TCF20: variants seen among roughly 807,000 people sequenced by gnomAD.
TCF20 encodes SPRE-binding protein.
A neutral mutation model predicts 148.6 loss-of-function variants in TCF20; 3 were observed. The observed-to-expected ratio is 0.02, with a 90% confidence interval of 0.01 to 0.05. The LOEUF (loss-of-function observed/expected upper bound fraction) is 0.05. Ranked by LOEUF, TCF20 falls within the 10% of genes least tolerant of loss-of-function variation. The probability of loss-of-function intolerance (pLI) is 1.00; values close to 1 mark genes in which losing one functional copy is unlikely to be tolerated. For synonymous variants in TCF20, 1,049 were observed against 909.5 expected, an observed-to-expected ratio of 1.15 and a Z score of -2.76; for missense variants, 2,350 against 2,429.3, an observed-to-expected ratio of 0.97 and a Z score of 0.69.
chr22:42,337,059 C>T (rs555552827), intron 1 of TCF20, among the ~76,000 whole-genome samples: 2 of 152,216 alleles, frequency 1.3e-5, no homozygotes, highest in African/African-American at 4.8e-5. Context: ...GCACTCCACA[C>T]ATCTGTTCAC....
At chr22:42,197,008 G>C (rs1215768421) in intron 2 of TCF20, among the ~76,000 whole-genome samples, 2 of 152,206 alleles carry the variant, frequency 1.3e-5, no homozygotes, top group Admixed American at 1.3e-4. Context: ...CAGCTCTTAA[G>C]TGCATACAAC....
intron 1 of TCF20, among the ~76,000 whole-genome samples, chr22:42,300,219 C>T (rs993267728): frequency 1.3e-5 from 2 of 151,974 alleles, no homozygotes; most frequent in South Asian, 2.1e-4. Flanking sequence ...CCAAGGAGAG[C>T]GGCAGGGCTT....
chr22:42,209,744 G>A lies in TCF20; in HGVS notation c.5562C>T (p.Val1854=), dbSNP rs779865778. Residue 1854 remains valine (V), a synonymous_variant, in exon 2 of 6, where the codon GTC becomes GTT. Transcript: ENST00000677622. ...TGGCCCAGAGAATACAACCCTCATGGACCCAAAATTCATTGCTGTCAAGAG... is the reference window on the plus strand; with the variant it reads ...TGGCCCAGAGAATACAACCCTCATGAACCCAAAATTCATTGCTGTCAAGAG... ...ELPLDSNEFW[V]HEGCILWANG... 2 of 1,614,130 alleles carry A rather than the reference G, an allele frequency of 1.2e-6. No individual in the cohort carries two copies. Among genetic ancestry groups the A allele is most frequent in the Non-Finnish European group, 1.7e-6 (2 of 1,180,022 alleles).
chr22:42,217,241 T>TG (rs1449868003), intron 1 of TCF20, among the ~76,000 whole-genome samples: 1 of 152,198 alleles, frequency 6.6e-6, no homozygotes, highest in African/African-American at 2.4e-5. Flanking sequence ...ACAGTTGCCT[T>TG]GTTCCTGGAA....
intron 1 of TCF20, among the ~76,000 whole-genome samples, chr22:42,268,235 T>C (rs1389706579): frequency 2.6e-5 from 4 of 152,214 alleles, no homozygotes; most frequent in Non-Finnish European, 5.9e-5. Flanking sequence ...TATTGTAACA[T>C]ATTGGGCTCA....
chr22:42,191,710 G>A (rs1189011667), intron 2 of TCF20, among the ~76,000 whole-genome samples: 1 of 152,134 alleles, frequency 6.6e-6, no homozygotes, highest in South Asian at 2.1e-4. Flanking sequence ...TTTGTCTAAC[G>A]GAGTTTTTCC....
intron 1 of TCF20, among the ~76,000 whole-genome samples, chr22:42,314,043 A>G (rs1927585606): frequency 6.6e-6 from 1 of 152,218 alleles, no homozygotes. Context: ...TGCTGTGTTC[A>G]GAGCTGTGAC....
upstream of TCF20, among the ~76,000 whole-genome samples, chr22:42,288,213 G>A (rs1048805208): frequency 1.3e-5 from 2 of 152,056 alleles, no homozygotes; most frequent in South Asian, 2.1e-4. Context: ...TGGCCAACAC[G>A]GTAAAACCCC....
intron 1 of TCF20, among the ~76,000 whole-genome samples, chr22:42,241,520 G>C (rs961078480): frequency 1.3e-5 from 2 of 152,228 alleles, no homozygotes; most frequent in South Asian, 2.1e-4. Context: ...TATCCATTGA[G>C]TTATTAAATT....
At chr22:42,334,997 A>T (rs1569212353) in intron 1 of TCF20, among the ~76,000 whole-genome samples, 1 of 152,116 alleles carries the variant, frequency 6.6e-6, no homozygotes, top group Non-Finnish European at 1.5e-5. Context: ...GGCTGCCTAC[A>T]GTATCCAGAG....
intron 5 of TCF20, among the ~76,000 whole-genome samples, chr22:42,163,887 C>G (rs996274568): frequency 2.6e-5 from 4 of 152,200 alleles, no homozygotes; most frequent in African/African-American, 9.6e-5. Flanking sequence ...CTCACTTGTT[C>G]CCTCCCTTCC....
rs1927661062 is a variant in TCF20, at chr22:42,317,858, G to A, written c.-37+25621C>T. ...CAGCTTCAAAGGCACCCATGAGCCA[G>A]TAAGAGCCAGATCCCACTCGAGCCC... On this transcript the variant is annotated intron_variant, in intron 1 of 1. Coordinates refer to the TCF20 transcript ENST00000515426. The surrounding 1 kb of genome is among the most constrained non-coding windows in gnomAD (Gnocchi z 4.2). Among the ~76,000 whole-genome samples, 1 of 152,218 alleles carries A rather than the reference G, an allele frequency of 6.6e-6. No individual in the cohort carries two copies. The highest frequency in any genetic ancestry group is 2.1e-4 in the South Asian group (1 of 4,834).
chr22:42,202,552 C>T (rs765886095), intron 2 of TCF20, among the ~76,000 whole-genome samples: 2 of 152,236 alleles, frequency 1.3e-5, no homozygotes, highest in African/African-American at 2.4e-5. Flanking sequence ...TTGAGGAGAA[C>T]GGCAAAAGCC....
intron 1 of TCF20, among the ~76,000 whole-genome samples, chr22:42,334,757 T>C (rs1241978337): frequency 6.6e-6 from 1 of 152,220 alleles, no homozygotes; most frequent in East Asian, 1.9e-4. Context: ...AGGCTCAAAT[T>C]CAGGGCCTTG....
intron 1 of TCF20, among the ~76,000 whole-genome samples, chr22:42,234,960 G>A (rs563490242): frequency 2.5e-4 from 38 of 152,160 alleles, no homozygotes; most frequent in Admixed American, 2.1e-3. Context: ...CCAACATGGT[G>A]AAACCCCACC....
intron 1 of TCF20, among the ~76,000 whole-genome samples, chr22:42,241,340 C>A (rs1272662517): frequency 1.3e-5 from 2 of 152,152 alleles, no homozygotes; most frequent in African/African-American, 2.4e-5. Flanking sequence ...TCCAAAGGAA[C>A]TCCAAATACT....
At chr22:42,188,350 G>A (rs1343407478) in intron 2 of TCF20, among the ~76,000 whole-genome samples, 1 of 144,230 alleles carries the variant, frequency 6.9e-6, no homozygotes, top group Non-Finnish European at 1.5e-5. Flanking sequence ...GCTGTGTTAT[G>A]AGGAAGGGAC....
intron 1 of TCF20, among the ~76,000 whole-genome samples, chr22:42,311,819 C>G (rs980630657): frequency 6.6e-5 from 10 of 152,212 alleles, no homozygotes; most frequent in African/African-American, 2.4e-4. Flanking sequence ...GTCTCTTCCA[C>G]AGACCCCTGC....
chr22:42,314,894 G>A (rs372868939), intron 1 of TCF20, among the ~76,000 whole-genome samples: 178 of 152,238 alleles, frequency 1.2e-3, no homozygotes, highest in Non-Finnish European at 1.4e-3. Flanking sequence ...GGAGGGGAGC[G>A]GCTGAATGAG....
Sources: gnomAD v4.1 joint callset for allele counts (sites outside exome capture counted in the v4.1 genomes callset) on GRCh38, gnomAD v4.1.1 for gene constraint, Gnocchi (gnomAD v3.1) non-coding constraint, MANE v1.5 for transcripts, NCBI Gene and HGNC (gene_info 2026-07-23, HGNC 2026-07-21) for gene names.